Variants in KCNH7 observed in about 807,000 individuals in gnomAD.
KCNH7 encodes the protein voltage-gated inwardly rectifying potassium channel KCNH7.
In KCNH7, 49 loss-of-function variants were observed where a neutral mutation model predicts 120.8. That is an observed-to-expected ratio of 0.41 (90% CI 0.32 to 0.51). The LOEUF is 0.51. KCNH7 is among the 20% of genes least tolerant of loss of function. KCNH7 has a pLI of 0.38. For missense variants in KCNH7, 1,097 were observed against 1,446.6 expected (o/e 0.76, Z 3.92); for synonymous variants, 547 against 516.1 (o/e 1.06, Z -0.81).
At chr2:162,573,355 A>G (rs1693560086) in intron 2 of KCNH7, among the ~76,000 whole-genome samples, 1 of 152,018 alleles carries the variant, frequency 6.6e-6, no homozygotes, top group Non-Finnish European at 1.5e-5. Context: ...AAGAAGAGAA[A>G]CTATTAAACA....
chr2:162,640,753 T>C (rs897790812), intron 2 of KCNH7, among the ~76,000 whole-genome samples: 1 of 152,124 alleles, frequency 6.6e-6, no homozygotes, highest in Non-Finnish European at 1.5e-5. Flanking sequence ...AGATATAGTG[T>C]GGGAGAAAAT....
chr2:162,618,602 T>A (rs1203015632), intron 2 of KCNH7, among the ~76,000 whole-genome samples: 1 of 152,196 alleles, frequency 6.6e-6, no homozygotes, highest in Admixed American at 6.5e-5. Flanking sequence ...TAATATTTTA[T>A]AAACTGCCGT....
chr2:162,546,252 C>A (rs1692473009), intron 2 of KCNH7, among the ~76,000 whole-genome samples: 1 of 151,906 alleles, frequency 6.6e-6, no homozygotes, highest in Admixed American at 6.6e-5. Context: ...AATCTCCAGG[C>A]AAACCAAGTC....
At chr2:162,698,136 A>C (rs1293248390) in intron 2 of KCNH7, among the ~76,000 whole-genome samples, 2 of 152,130 alleles carry the variant, frequency 1.3e-5, no homozygotes, top group Non-Finnish European at 2.9e-5. Context: ...TGAGTCTGCT[A>C]TTCTCCTGTT....
At chr2:162,660,969 G>A (rs1434499998) in intron 2 of KCNH7, among the ~76,000 whole-genome samples, 1 of 152,118 alleles carries the variant, frequency 6.6e-6, no homozygotes, top group African/African-American at 2.4e-5. Context: ...AACAAGTTCT[G>A]TACAATAAGA....
rs935167074 is a variant in KCNH7, at chr2:162,826,306, A to G, written c.307+10231T>C. ...GGGAGGGCTGGGATGGTTTGTAAAC[A>G]TGCTTATATTATTATGAGAACATGT... On this transcript the variant is annotated intron_variant, in intron 2 of 15. Transcript: ENST00000332142. 7.2e-5 allele frequency among the ~76,000 whole-genome samples: 11 copies of G among 152,108 alleles called. No homozygotes were observed. In the South Asian group the frequency reaches 1.2e-3, roughly 17 times the overall value.
chr2:162,473,673 G>A (rs1234731673), intron 6 of KCNH7, among the ~76,000 whole-genome samples: 1 of 152,132 alleles, frequency 6.6e-6, no homozygotes, highest in African/African-American at 2.4e-5. Context: ...AGGCTCTGTG[G>A]ATACAGAAAT....
chr2:162,686,447 T>C (rs2105321193), intron 2 of KCNH7, among the ~76,000 whole-genome samples: 1 of 152,260 alleles, frequency 6.6e-6, no homozygotes, highest in Non-Finnish European at 1.5e-5. Context: ...ATTCTATTTA[T>C]TATCAGAGAT....
At chr2:162,641,931 A>C (rs1684171496) in intron 2 of KCNH7, among the ~76,000 whole-genome samples, 1 of 152,152 alleles carries the variant, frequency 6.6e-6, no homozygotes, top group South Asian at 2.1e-4. Context: ...AGATATATTT[A>C]ATAACTGGAA....
At chr2:162,529,587 A>G (rs1367190037) in intron 3 of KCNH7, among the ~76,000 whole-genome samples, 1 of 152,004 alleles carries the variant, frequency 6.6e-6, no homozygotes, top group East Asian at 1.9e-4. Flanking sequence ...TTAAAACAGT[A>G]AAAGTGAAAA....
chr2:162,552,622 T>C (rs1450225352), intron 2 of KCNH7, among the ~76,000 whole-genome samples: 1 of 152,228 alleles, frequency 6.6e-6, no homozygotes, highest in Non-Finnish European at 1.5e-5. Context: ...ATTATCCAGG[T>C]GTGCTTACTA....
At chr2:162,440,971 C>T (rs1161906717) in intron 7 of KCNH7, among the ~76,000 whole-genome samples, 1 of 152,036 alleles carries the variant, frequency 6.6e-6, no homozygotes, top group Non-Finnish European at 1.5e-5. Context: ...TACTTTATGC[C>T]ATCTCTAGCA....
chr2:162,394,110 C>T lies in KCNH7; in HGVS notation c.2710+279G>A, dbSNP rs79077660. Among the ~76,000 whole-genome samples, 1,490 of 151,992 alleles carry T rather than the reference C, an allele frequency of 9.8e-3. 6 individuals are homozygous for T. Among genetic ancestry groups the T allele is most frequent in the Non-Finnish European group, 0.016 (1,080 of 67,916 alleles). ...GCCCTCTTTCCAGAAAACTGTGCTC[C>T]GAACGAATTGACCTGAACGTCTTTT... On this transcript the variant is annotated intron_variant, in intron 12 of 15. Transcript: ENST00000332142.
chr2:162,551,748 G>A (rs1421814931), intron 2 of KCNH7, among the ~76,000 whole-genome samples: 1 of 152,012 alleles, frequency 6.6e-6, no homozygotes, highest in African/African-American at 2.4e-5. Flanking sequence ...AAGTACTCAA[G>A]GTATAGTGTG....
chr2:162,406,576 T>A (rs1687231324), intron 9 of KCNH7, among the ~76,000 whole-genome samples: 1 of 151,942 alleles, frequency 6.6e-6, no homozygotes, highest in African/African-American at 2.4e-5. Context: ...AAATTAGGAT[T>A]AATTAAAACA....
intron 7 of KCNH7, among the ~76,000 whole-genome samples, 171 bp downstream of exon 7, chr2:162,445,847 A>G (rs1688559148): frequency 6.6e-6 from 1 of 152,204 alleles, no homozygotes; most frequent in African/African-American, 2.4e-5. Context: ...AAAGAATTTG[A>G]TTTGCAATGG....
intron 6 of KCNH7, among the ~76,000 whole-genome samples, chr2:162,481,900 A>G (rs1574011482): frequency 1.3e-5 from 2 of 152,300 alleles, no homozygotes; most frequent in Non-Finnish European, 2.9e-5. Context: ...CTGAAGGCAT[A>G]GTTAAGAAAA....
At chr2:162,729,264 C>T (rs1687636918) in intron 2 of KCNH7, among the ~76,000 whole-genome samples, 1 of 149,778 alleles carries the variant, frequency 6.7e-6, no homozygotes. Flanking sequence ...CTCCCGGGTT[C>T]CCGCCATTCT....
Position 162,795,475 on chromosome 2 carries a change from C to T in KCNH7, c.307+41062G>A, listed in dbSNP as rs535517779. The T allele has an allele frequency of 2.0e-5, 3 of 152,122 alleles. No homozygotes were observed. The East Asian group carries it at 5.8e-4, about 29-fold the overall frequency. 9.4% of individuals were successfully genotyped at this position (152,122 alleles called of 1,614,324 possible). On this transcript the variant is annotated intron_variant, in intron 2 of 15. Coordinates refer to ENST00000332142, the MANE Select transcript of KCNH7 (RefSeq NM_033272.4). Reference sequence around the variant, plus strand: ...TATGGTGAAGTCTGTCCTGTGGGCACTCCCCATTGACTCCTAGCAGCTCTT... The same window carrying T: ...TATGGTGAAGTCTGTCCTGTGGGCATTCCCCATTGACTCCTAGCAGCTCTT...
Sources: gnomAD v4.1 joint callset for allele counts (sites outside exome capture counted in the v4.1 genomes callset) on GRCh38, gnomAD v4.1.1 for gene constraint, MANE v1.5 for transcripts, NCBI Gene and HGNC (gene_info 2026-07-23, HGNC 2026-07-21) for gene names.